MAP3K15: variants seen among roughly 807,000 people sequenced by gnomAD.
MAP3K15 encodes the protein MAPK/ERK kinase kinase 15.
A neutral mutation model predicts 99.5 loss-of-function variants in MAP3K15; 124 were observed. The observed-to-expected ratio is 1.25, with a 90% CI of 1.08 to 1.45. The LOEUF is 1.45. Ranked by LOEUF, MAP3K15 falls within the 40% of genes most tolerant of loss-of-function variation. The pLI is 0.00. For synonymous variants in MAP3K15, 494 were observed against 439.6 expected (o/e 1.12, Z -1.55); for missense variants, 1,242 against 1,079.7 (o/e 1.15, Z -2.11).
chrX:19,373,785 A>C, intron 20 of MAP3K15, 90 bp from the exon 21 acceptor site: 1 of 974,788 alleles, frequency 1.0e-6, no homozygotes, highest in South Asian at 2.3e-5. Context: ...GCCCAGGTGA[A>C]CCGCCCAGGC....
chrX:19,400,544 G>A, intron 14 of MAP3K15, 32 bp downstream of exon 14: 1 of 1,045,298 alleles, frequency 9.6e-7, no homozygotes. Context: ...CACAATCAAT[G>A]TTTTCCATAT....
intron 1 of MAP3K15, among the ~76,000 whole-genome samples, chrX:19,507,504 G>T (rs755840405): frequency 1.0e-5 from 1 of 99,702 alleles, no homozygotes; most frequent in African/African-American, 3.8e-5. Context: ...TTGAGCCCAG[G>T]GAGGTCAAGG....
chrX:19,385,535 T>C (rs907504401), intron 18 of MAP3K15, among the ~76,000 whole-genome samples: 2 of 110,954 alleles, frequency 1.8e-5, no homozygotes, highest in Admixed American at 1.9e-4. Flanking sequence ...TGGGGGTCAT[T>C]TTGGAGGCTG....
At chrX:19,496,964 A>G (rs984154389) in intron 1 of MAP3K15, 7 of 110,072 alleles carry the variant, frequency 6.4e-5, no homozygotes, top group African/African-American at 2.3e-4. Context: ...GTTGCTTGGA[A>G]CTTGCCCCTT....
At chrX:19,373,232 A>AGGGGGAGAGAGAG in intron 21 of MAP3K15, 1 of 184,138 alleles carries the variant, frequency 5.4e-6, no homozygotes. Flanking sequence ...GGCAAGGGTG[A>AGGGGGAGAGAGAG]GGGGGAGAGA....
chrX:19,371,980 G>C (rs2063378385), intron 22 of MAP3K15, among the ~76,000 whole-genome samples: 1 of 109,428 alleles, frequency 9.1e-6, no homozygotes, highest in African/African-American at 3.3e-5. Context: ...TAAAAATACA[G>C]AAATTAGCTG....
At chrX:19,404,262 A>G (rs1215741733) in intron 13 of MAP3K15, among the ~76,000 whole-genome samples, 1 of 112,223 alleles carries the variant, frequency 8.9e-6, no homozygotes, top group Non-Finnish European at 1.9e-5. Context: ...CCAGTATCAA[A>G]ATAATAAAAT....
intron 9 of MAP3K15, among the ~76,000 whole-genome samples, chrX:19,416,788 C>A (rs2063739673): frequency 8.9e-6 from 1 of 111,869 alleles, no homozygotes; most frequent in Non-Finnish European, 1.9e-5. Flanking sequence ...GGTAAGGCTT[C>A]CAGTCAACAG....
At chrX:19,492,877 G>C (rs1479685475) in intron 1 of MAP3K15, among the ~76,000 whole-genome samples, 1 of 110,883 alleles carries the variant, frequency 9.0e-6, no homozygotes, top group Non-Finnish European at 1.9e-5. Flanking sequence ...TGAGGCAGGA[G>C]AATCACTTGA....
intron 3 of MAP3K15, among the ~76,000 whole-genome samples, chrX:19,484,896 G>A (rs6653645): frequency 0.09 from 10,016 of 111,419 alleles, 476 homozygotes; most frequent in African/African-American, 0.18. Flanking sequence ...CTAGGCAGGG[G>A]TGGAACAACT....
In MAP3K15 at chrX:19,457,027, C is replaced by T; in HGVS notation, c.889-8G>A. On this transcript the variant is annotated splice_region_variant and splice_polypyrimidine_tract_variant and intron_variant, in intron 5 of 28. Transcript: ENST00000338883. ...CACCATCGCATCATAGTCCTGTTGG[C>T]AAGAGGTCCCAAAGTGAGCAAGAGA... is the stretch of plus-strand genomic sequence containing the variant. The T allele has an allele frequency of 8.8e-7, 1 of 1,139,817 alleles. No individual in the cohort carries two copies. Among genetic ancestry groups the T allele is most frequent in the Non-Finnish European group, 1.2e-6 (1 of 841,886 alleles). The allele number at this position is 1,139,817 out of a possible 1,213,427, so 93.9% of individuals were successfully genotyped here. A position where few individuals can be genotyped will look rare whatever the true frequency, so the allele number is the denominator to read the frequency against.
intron 1 of MAP3K15, among the ~76,000 whole-genome samples, chrX:19,500,738 A>G (rs1418874724): frequency 2.7e-5 from 3 of 112,497 alleles, no homozygotes; most frequent in African/African-American, 9.7e-5. Context: ...TTTGGCCGGG[A>G]TTGAAACAGC....
intron 13 of MAP3K15, among the ~76,000 whole-genome samples, chrX:19,406,787 C>T (rs756516947): frequency 2.7e-5 from 3 of 112,889 alleles, no homozygotes; most frequent in African/African-American, 9.6e-5. Context: ...CTGCAACCTC[C>T]ACTTCCCGGG....
intron 6 of MAP3K15, among the ~76,000 whole-genome samples, chrX:19,455,081 C>T (rs1307769828): frequency 2.7e-5 from 3 of 111,495 alleles, no homozygotes; most frequent in African/African-American, 9.8e-5. Context: ...GCAAGTATTG[C>T]AATCCCATAG....
Position 19,425,438 on chromosome X carries a change from G to A in MAP3K15, c.1439+93C>T. 3 of 914,081 alleles carry A rather than the reference G, an allele frequency of 3.3e-6. No individual in the cohort carries two copies. In the South Asian group the frequency reaches 8.9e-5, roughly 27 times the overall value. The allele number at this position is 914,081 out of a possible 1,213,427, so 75.3% of individuals were successfully genotyped here. ...TGTGCTAACTTTGCTTTAATGAAAAGTCAGAAGGAGAAACATAGTGATTAT... is the reference window on the plus strand; with the variant it reads ...TGTGCTAACTTTGCTTTAATGAAAAATCAGAAGGAGAAACATAGTGATTAT... On this transcript the variant is annotated intron_variant, in intron 9 of 28. Transcript: ENST00000338883.
chrX:19,436,749 C>G (rs1018328965), intron 6 of MAP3K15, among the ~76,000 whole-genome samples: 2 of 111,741 alleles, frequency 1.8e-5, no homozygotes, highest in African/African-American at 6.5e-5. Context: ...GCATTCTCAG[C>G]TCACTGCAAC....
intron 16 of MAP3K15, 46 bp downstream of exon 16, chrX:19,395,035 C>T (rs1453132719): frequency 1.4e-5 from 17 of 1,177,810 alleles, no homozygotes; most frequent in Middle Eastern, 4.7e-4. Context: ...ACATCCACGT[C>T]GTAGTGATTT....
At chrX:19,375,731 G>C (rs962878440) in intron 19 of MAP3K15, among the ~76,000 whole-genome samples, 6 of 112,411 alleles carry the variant, frequency 5.3e-5, no homozygotes, top group Non-Finnish European at 1.1e-4. Context: ...CGCCGAGTGA[G>C]CTCAGGGTGC....
At chrX:19,363,269 T>C (rs774916631) in intron 25 of MAP3K15, among the ~76,000 whole-genome samples, 55 of 112,087 alleles carry the variant, frequency 4.9e-4, no homozygotes, top group African/African-American at 1.5e-3. Context: ...CCTTCCACCA[T>C]GTGAGGACAC....
Sources: allele counts gnomAD v4.1 joint callset (sites outside exome capture counted in the v4.1 genomes callset), GRCh38; gene constraint gnomAD v4.1.1; transcripts MANE v1.5; gene names NCBI Gene and HGNC (gene_info 2026-07-23, HGNC 2026-07-21).